DOCK3: variants seen among roughly 807,000 people sequenced by gnomAD.
The protein encoded by DOCK3 is dedicator of cytokinesis protein 3.
A neutral mutation model predicts 265.6 loss-of-function variants in DOCK3; 60 were observed. The ratio of observed to expected loss-of-function variants is 0.23; its 90% CI spans 0.18 to 0.28. DOCK3 has a LOEUF of 0.28. Among genes scored for constraint, DOCK3 ranks in the 10% least tolerant of loss-of-function variants. The pLI is 1.00. For missense variants in DOCK3, 1,981 were observed against 2,594.3 expected (o/e 0.76, Z 5.14); for synonymous variants, 881 against 938.0 (o/e 0.94, Z 1.11).
chr3:51,267,750 A>G (rs1237687176), intron 23 of DOCK3, among the ~76,000 whole-genome samples: 1 of 152,222 alleles, frequency 6.6e-6, no homozygotes, highest in Non-Finnish European at 1.5e-5. Flanking sequence ...CCAAATGCCC[A>G]TCAGTCATAG....
intron 27 of DOCK3, among the ~76,000 whole-genome samples, chr3:51,308,966 T>C (rs1344267020): frequency 3.1e-5 from 4 of 128,624 alleles, no homozygotes; most frequent in African/African-American, 1.2e-4. Flanking sequence ...CGGGCAGAGG[T>C]GCTCCTCACA....
chr3:51,307,459 A>G (rs1175337721), intron 27 of DOCK3, among the ~76,000 whole-genome samples: 1 of 152,310 alleles, frequency 6.6e-6, no homozygotes, highest in Non-Finnish European at 1.5e-5. Context: ...TGCAGTCACT[A>G]AAGTCTCCAT....
At chr3:50,863,547 C>T (rs571530470) in intron 3 of DOCK3, 52 of 413,882 alleles carry the variant, frequency 1.3e-4, no homozygotes, top group African/African-American at 6.6e-4. Context: ...GCTAGACTCT[C>T]GATGCTTTCC....
At chr3:50,833,804 A>G (rs1559700497) in intron 2 of DOCK3, among the ~76,000 whole-genome samples, 1 of 152,216 alleles carries the variant, frequency 6.6e-6, no homozygotes, top group Admixed American at 6.5e-5. Context: ...TGCAAAAGAG[A>G]ACATTCTTAC....
chr3:50,804,486 C>T (rs772945970), intron 2 of DOCK3, among the ~76,000 whole-genome samples: 12 of 152,184 alleles, frequency 7.9e-5, no homozygotes, highest in East Asian at 3.8e-4. Flanking sequence ...TCTGCAATCC[C>T]GGTACCTTGG....
intron 2 of DOCK3, among the ~76,000 whole-genome samples, chr3:50,832,484 A>G (rs905367652): frequency 1.3e-5 from 2 of 152,230 alleles, no homozygotes; most frequent in African/African-American, 2.4e-5. Context: ...TCTAATATCC[A>G]GAATCTACAA....
chr3:51,381,189 C>G lies in DOCK3; in HGVS notation c.5723C>G (p.Pro1908Arg). 1.2e-6 allele frequency: 2 copies of G among 1,613,930 alleles called. No individual in the cohort carries two copies. The highest frequency in any genetic ancestry group is 1.7e-6 in the Non-Finnish European group (2 of 1,179,878). Residue 1908 changes from proline to arginine, a missense_variant, in exon 53 of 53, where the codon CCA (proline) becomes CGA (arginine). Transcript: ENST00000266037. The surrounding 1 kb of genome is among the most constrained non-coding windows in gnomAD (Gnocchi z 5.6). ...AACTTTGGGCACTCCTCGGAGGCCC[C>G]ACCTCGCACTGACACCATGGACTCC... The part of the protein sequence containing the change: ...ESNFGHSSEA[P>R]PRTDTMDSMP...
intron 5 of DOCK3, among the ~76,000 whole-genome samples, chr3:50,947,186 TATATAA>T (rs1342085242): frequency 6.6e-6 from 1 of 152,162 alleles, no homozygotes; most frequent in East Asian, 1.9e-4. Context: ...TCAAATTATT[TATATAA>T]ATATATGTTT....
At chr3:50,991,456 T>C (rs2078099980) in intron 5 of DOCK3, among the ~76,000 whole-genome samples, 1 of 152,180 alleles carries the variant, frequency 6.6e-6, no homozygotes, top group African/African-American at 2.4e-5. Flanking sequence ...TAATTTCAGA[T>C]AAAACATTTC....
intron 51 of DOCK3, among the ~76,000 whole-genome samples, chr3:51,377,932 C>G (rs1385829382): frequency 6.6e-6 from 1 of 152,190 alleles, no homozygotes; most frequent in East Asian, 1.9e-4. Context: ...TTCCTATTCC[C>G]TGATATTTCT....
Position 51,160,770 on chromosome 3 carries a change from T to C in DOCK3, c.1037+68T>C, listed in dbSNP as rs1348600457. ...GACATCCCAGCACTGCCCTTGAGAG[T>C]AGTAGTGCTCAAACCTTGTGGACAC... On this transcript the variant is annotated intron_variant, in intron 12 of 52. Coordinates refer to ENST00000266037, the MANE Select transcript of DOCK3 (RefSeq NM_004947.5). 3.2e-6 allele frequency: 5 copies of C among 1,541,236 alleles called. No homozygotes were observed. In the African/African-American group the frequency reaches 6.8e-5, roughly 21 times the overall value.
chr3:51,309,411 G>C (rs1257320267), intron 27 of DOCK3, among the ~76,000 whole-genome samples: 1 of 152,194 alleles, frequency 6.6e-6, no homozygotes, highest in South Asian at 2.1e-4. Flanking sequence ...GCGAAACCCC[G>C]TCTCCACCAA....
At chr3:51,336,534 G>A (rs2084890413) in intron 35 of DOCK3, among the ~76,000 whole-genome samples, 1 of 152,146 alleles carries the variant, frequency 6.6e-6, no homozygotes, top group African/African-American at 2.4e-5. Flanking sequence ...AGGTGAGCCG[G>A]ATGCTTCAGA....
intron 5 of DOCK3, among the ~76,000 whole-genome samples, chr3:51,008,413 G>A (rs183514331): frequency 0.057 from 8,674 of 152,172 alleles, 873 homozygotes; most frequent in African/African-American, 0.2. Context: ...GTTCACTCGT[G>A]ATTTGGCTCT....
rs536234388 is a variant in DOCK3 at position 51,228,647 on chromosome 3, A to T, written c.1648-14A>T. ...TGGCTCAGGGGACATTTTTTTCTCCATTTTTGCCTACAGTGTGATGAGAAT... is the reference window on the plus strand; with the variant it reads ...TGGCTCAGGGGACATTTTTTTCTCCTTTTTTGCCTACAGTGTGATGAGAAT... On this transcript the variant is annotated splice_polypyrimidine_tract_variant and intron_variant, in intron 17 of 52. Coordinates refer to ENST00000266037, the MANE Select transcript of DOCK3 (RefSeq NM_004947.5). 17 of 1,602,180 alleles carry T rather than the reference A, an allele frequency of 1.1e-5. No homozygotes were observed. The highest frequency in any genetic ancestry group is 8.7e-5 in the Admixed American group (5 of 57,612).
chr3:51,292,029 T>C (rs1349796401), intron 27 of DOCK3, among the ~76,000 whole-genome samples: 1 of 152,158 alleles, frequency 6.6e-6, no homozygotes, highest in Non-Finnish European at 1.5e-5. Context: ...GCAAAGCATA[T>C]AAAAAATTCT....
At chr3:50,798,600 A>G (rs747631787) in intron 2 of DOCK3, among the ~76,000 whole-genome samples, 1 of 150,982 alleles carries the variant, frequency 6.6e-6, no homozygotes, top group Non-Finnish European at 1.5e-5. Context: ...TTTGCTTTTG[A>G]GATGTTTGAG....
At chr3:51,298,691 C>T (rs1321795218) in intron 27 of DOCK3, among the ~76,000 whole-genome samples, 3 of 152,138 alleles carry the variant, frequency 2.0e-5, no homozygotes, top group Non-Finnish European at 4.4e-5. Flanking sequence ...TGTTAGTTTG[C>T]TGAGGATAAT....
In DOCK3 at chr3:51,269,430, A is replaced by T. The variant is rs188964250; in HGVS notation, c.2356-1385A>T. ...GCTGCCAATGATATGTTTTGTTCTG[A>T]TTCTAATTACTGCAAAACAATCTCC... is the stretch of plus-strand genomic sequence containing the variant. On this transcript the variant is annotated intron_variant, in intron 23 of 52. Transcript: ENST00000266037. Among the ~76,000 whole-genome samples, 146 of 152,166 alleles carry T rather than the reference A, an allele frequency of 9.6e-4. 1 individual carries two copies. Among genetic ancestry groups the T allele is most frequent in the Admixed American group, 2.9e-3 (45 of 15,276 alleles).
Sources: allele counts gnomAD v4.1 joint callset (sites outside exome capture counted in the v4.1 genomes callset), GRCh38; gene constraint gnomAD v4.1.1; non-coding constraint Gnocchi (gnomAD v3.1); transcripts MANE v1.5; gene names NCBI Gene and HGNC (gene_info 2026-07-23, HGNC 2026-07-21).